Variants in SLC24A3 observed in about 807,000 individuals in gnomAD.
SLC24A3 encodes the protein sodium/potassium/calcium exchanger 3.
SLC24A3 carries 28 observed loss-of-function variants against 75.8 expected under a neutral mutation model. That is an observed-to-expected ratio of 0.37 (90% CI 0.27 to 0.51). The LOEUF is 0.51. SLC24A3 is among the 20% of genes least tolerant of loss of function. The pLI, the probability that SLC24A3 is intolerant of heterozygous loss-of-function variation, is 0.94. For synonymous variants in SLC24A3, 372 were observed against 334.1 expected (o/e 1.11, Z -1.24); for missense variants, 663 against 847.8 (o/e 0.78, Z 2.71).
intron 1 of SLC24A3, among the ~76,000 whole-genome samples, chr20:19,245,725 A>T (rs1982468148): frequency 6.6e-6 from 1 of 152,186 alleles, no homozygotes. Flanking sequence ...AGACGATTTT[A>T]ATGCTAATGG....
intron 6 of SLC24A3, among the ~76,000 whole-genome samples, chr20:19,650,003 T>A (rs1056005420): frequency 6.6e-6 from 1 of 152,150 alleles, no homozygotes; most frequent in Admixed American, 6.5e-5. Context: ...AATGGTGGTG[T>A]CAGAAAGGTA....
chr20:19,418,045 C>A (rs1986856229), intron 2 of SLC24A3, among the ~76,000 whole-genome samples: 1 of 152,144 alleles, frequency 6.6e-6, no homozygotes, highest in Non-Finnish European at 1.5e-5. Flanking sequence ...GCAGTGAAAC[C>A]CTGAAGGAAA....
intron 1 of SLC24A3, among the ~76,000 whole-genome samples, chr20:19,248,398 C>G (rs962606122): frequency 6.6e-6 from 1 of 152,154 alleles, no homozygotes; most frequent in Admixed American, 6.5e-5. Context: ...TAAACTTTAA[C>G]ATTTTTTCTC....
At chr20:19,665,972 G>A (rs571340137) in intron 8 of SLC24A3, 83 bp downstream of exon 8, 1 of 1,448,376 alleles carries the variant, frequency 6.9e-7, no homozygotes, top group African/African-American at 1.4e-5. Context: ...TGGGATTCAA[G>A]AAAGAAAGGG....
In SLC24A3 at chr20:19,696,015, C is replaced by CT. The variant is rs778046824; in HGVS notation, c.1492-764dup. The stretch of plus-strand genomic sequence containing the variant: ...ATGGCTTTCCCCTTTTTTTCCTTTT[C>CT]TTTTTTTTTTTTTTTTTTGTGAGAC... On this transcript the variant is annotated intron_variant, in intron 13 of 16. Transcript: ENST00000328041. Among the ~76,000 whole-genome samples the CT allele has an allele frequency of 2.0e-3, 213 of 108,082 alleles. 9 individuals carry two copies. Among genetic ancestry groups the CT allele is most frequent in the East Asian group, 0.016 (65 of 3,944 alleles). 70.9% of individuals were successfully genotyped at this position (108,082 alleles called of 152,430 possible).
intron 3 of SLC24A3, among the ~76,000 whole-genome samples, chr20:19,557,298 G>T (rs1388347530): frequency 6.6e-6 from 1 of 152,166 alleles, no homozygotes; most frequent in African/African-American, 2.4e-5. Flanking sequence ...GCTGGAGATG[G>T]CCTGGGCTGG....
At chr20:19,522,893 T>G (rs1388583166) in intron 3 of SLC24A3, among the ~76,000 whole-genome samples, 2 of 152,188 alleles carry the variant, frequency 1.3e-5, no homozygotes, top group Admixed American at 6.5e-5. Flanking sequence ...TTAATATATT[T>G]ATCACCTCAC....
At chr20:19,295,827 T>C (rs1984045781) in intron 2 of SLC24A3, among the ~76,000 whole-genome samples, 1 of 152,110 alleles carries the variant, frequency 6.6e-6, no homozygotes, top group Non-Finnish European at 1.5e-5. Flanking sequence ...TTTGTTGTTG[T>C]TGTATCTCTG....
chr20:19,635,027 G>A (rs1268687015), intron 6 of SLC24A3, among the ~76,000 whole-genome samples: 12 of 152,166 alleles, frequency 7.9e-5, no homozygotes. Context: ...CATAGACACA[G>A]CCTATTTCTA....
chr20:19,679,460 C>T (rs1290380271), intron 9 of SLC24A3, among the ~76,000 whole-genome samples: 2 of 148,628 alleles, frequency 1.3e-5, no homozygotes, highest in Admixed American at 6.8e-5. Context: ...GCAGTACAGT[C>T]CAGCTTCGGC....
chr20:19,234,741 G>A (rs1377774717), intron 1 of SLC24A3, among the ~76,000 whole-genome samples: 1 of 152,124 alleles, frequency 6.6e-6, no homozygotes, highest in East Asian at 1.9e-4. Flanking sequence ...TGAACAGAAG[G>A]TATTTCTAAA....
intron 2 of SLC24A3, among the ~76,000 whole-genome samples, chr20:19,369,302 C>G (rs1050562500): frequency 7.2e-5 from 11 of 152,264 alleles, no homozygotes; most frequent in Non-Finnish European, 8.8e-5. Context: ...AAATGCAGAG[C>G]CTGACTATAA....
rs1035766229 is a variant in SLC24A3, at chr20:19,504,487, T to C, written c.272-11001T>C. On this transcript the variant is annotated intron_variant, in intron 2 of 16. Coordinates refer to ENST00000328041, the MANE Select transcript of SLC24A3 (RefSeq NM_020689.4). The stretch of plus-strand genomic sequence containing the variant: ...TTCCAAAAGCACTATTTCAAGTGCA[T>C]TTTTTTTCTAGAAAAGTTTTTCATG... Among the ~76,000 whole-genome samples, 7 of 152,232 alleles carry C rather than the reference T, an allele frequency of 4.6e-5. 1 individual carries two copies. Among genetic ancestry groups the C allele is most frequent in the Admixed American group, 1.3e-4 (2 of 15,296 alleles).
In SLC24A3 at chr20:19,692,511, G is replaced by T. The variant is rs902278550; in HGVS notation, c.1325-748G>T. On this transcript the variant is annotated intron_variant, in intron 12 of 16. Transcript: ENST00000328041. Reference sequence around the variant, plus strand: ...CATTATGTTGAAAAGAAGAAGGAAGGCACGAAAACATCCTATATGGTTTTA... The same window carrying T: ...CATTATGTTGAAAAGAAGAAGGAAGTCACGAAAACATCCTATATGGTTTTA... Among the ~76,000 whole-genome samples, 3 of 152,252 alleles carry T rather than the reference G, an allele frequency of 2.0e-5. No individual in the cohort carries two copies. In the East Asian group the frequency reaches 5.8e-4, roughly 29 times the overall value.
chr20:19,532,753 G>A (rs907942136), intron 3 of SLC24A3, among the ~76,000 whole-genome samples: 1 of 152,188 alleles, frequency 6.6e-6, no homozygotes, highest in Non-Finnish European at 1.5e-5. Flanking sequence ...AACCCTCAGA[G>A]CTAGGTACCA....
At chr20:19,490,681 A>G (rs1988196835) in intron 2 of SLC24A3, among the ~76,000 whole-genome samples, 1 of 152,134 alleles carries the variant, frequency 6.6e-6, no homozygotes. Context: ...ACCATTCCTC[A>G]ATTTGGTAGT....
At chr20:19,276,089 G>A (rs927482788) in intron 1 of SLC24A3, among the ~76,000 whole-genome samples, 2 of 152,302 alleles carry the variant, frequency 1.3e-5, no homozygotes, top group Middle Eastern at 3.4e-3. Flanking sequence ...AGAGGTGAGC[G>A]AGGGGAGAGC....
At chr20:19,611,272 CACT>C (rs1223815553) in intron 6 of SLC24A3, among the ~76,000 whole-genome samples, 5 of 152,204 alleles carry the variant, frequency 3.3e-5, no homozygotes, top group African/African-American at 1.2e-4. Context: ...CAAGATTCCT[CACT>C]TCTCTGCCTT....
At chr20:19,421,763 C>T (rs998111381) in intron 2 of SLC24A3, among the ~76,000 whole-genome samples, 3 of 152,148 alleles carry the variant, frequency 2.0e-5, no homozygotes, top group Non-Finnish European at 4.4e-5. Flanking sequence ...TGCTTTTTGG[C>T]CATGGGCTTC....
Sources: allele counts gnomAD v4.1 joint callset (sites outside exome capture counted in the v4.1 genomes callset), GRCh38; gene constraint gnomAD v4.1.1; transcripts MANE v1.5; gene names NCBI Gene and HGNC (gene_info 2026-07-23, HGNC 2026-07-21).